COX16: variants seen among roughly 807,000 people sequenced by gnomAD.
COX16 encodes cytochrome c oxidase assembly protein COX16 homolog, mitochondrial.
Under a neutral mutation model 15.4 loss-of-function variants are expected in COX16, and 12 were observed. That is an observed-to-expected ratio of 0.78 (90% confidence interval 0.50 to 1.26). COX16 has a LOEUF of 1.26. Among genes scored for constraint, COX16 ranks in the 50% most tolerant of loss-of-function variants. The probability of loss-of-function intolerance (pLI) is 0.00; values close to 1 mark genes in which losing one functional copy is unlikely to be tolerated. For synonymous variants in COX16, 46 were observed against 41.1 expected (o/e 1.12, Z -0.46); for missense variants, 124 against 127.6 (o/e 0.97, Z 0.14).
At chr14:70,347,038 G>C (rs1345977019) in intron 1 of COX16, among the ~76,000 whole-genome samples, 1 of 151,884 alleles carries the variant, frequency 6.6e-6, no homozygotes, top group Non-Finnish European at 1.5e-5. Context: ...CCGCTGTTTA[G>C]AATATTTCCA....
At chr14:70,355,978 G>C (rs1272716496) in intron 1 of COX16, among the ~76,000 whole-genome samples, 1 of 152,086 alleles carries the variant, frequency 6.6e-6, no homozygotes, top group African/African-American at 2.4e-5. Context: ...GCACATGCTG[G>C]CTCCCTTTTG....
At position 70,335,491 on chromosome 14, in the gene COX16, G is replaced by A. The variant is rs554356710; in HGVS notation, c.142-6255C>T. On this transcript the variant is annotated intron_variant, in intron 2 of 3. Coordinates refer to ENST00000389912, the MANE Select transcript of COX16 (RefSeq NM_016468.7). ...TTCAAAAAAGTATCAATCATATCAA[G>A]TGTCTACTCTGACCAAAACAGAATA... Among the ~76,000 whole-genome samples, 101 of 151,902 alleles carry A rather than the reference G, an allele frequency of 6.6e-4. 2 individuals are homozygous for A. The South Asian group carries it at 0.02, about 31-fold the overall frequency.
At chr14:70,349,082 C>T (rs771147569) in intron 1 of COX16, among the ~76,000 whole-genome samples, 1 of 152,192 alleles carries the variant, frequency 6.6e-6, no homozygotes, top group Non-Finnish European at 1.5e-5. Context: ...TCAAAGCCTT[C>T]CTCATCTCCA....
At chr14:70,337,930 A>G (rs1886505780) in intron 2 of COX16, among the ~76,000 whole-genome samples, 1 of 152,194 alleles carries the variant, frequency 6.6e-6, no homozygotes, top group Admixed American at 6.5e-5. Context: ...TGAGGGGAAA[A>G]CAAAACATTG....
At chr14:70,335,731 G>A (rs1229212839) in intron 2 of COX16, among the ~76,000 whole-genome samples, 1 of 152,022 alleles carries the variant, frequency 6.6e-6, no homozygotes. Context: ...CAGCAAACTT[G>A]AGTAAATGCA....
At chr14:70,347,018 G>A (rs573023848) in intron 1 of COX16, among the ~76,000 whole-genome samples, 74 of 151,756 alleles carry the variant, frequency 4.9e-4, no homozygotes, top group Non-Finnish European at 9.4e-4. Flanking sequence ...TCCCCCATCC[G>A]TAGTTAACCC....
chr14:70,351,754 T>C (rs1484703078), intron 1 of COX16, among the ~76,000 whole-genome samples: 1 of 152,218 alleles, frequency 6.6e-6, no homozygotes, highest in East Asian at 1.9e-4. Flanking sequence ...TCTTGTTTGA[T>C]AGTTGAATGA....
At chr14:70,358,757 C>A (rs183071600) in intron 1 of COX16, among the ~76,000 whole-genome samples, 6 of 152,256 alleles carry the variant, frequency 3.9e-5, no homozygotes, top group Non-Finnish European at 5.9e-5. Flanking sequence ...CTTGCTGAAG[C>A]AAAATAACTG....
At position 70,358,024 on chromosome 14, in the gene COX16, C is replaced by T. The variant is rs548937541; in HGVS notation, c.69+1495G>A. Reference sequence around the variant, plus strand: ...CATCAATTGATAAAATATATCCAAACAATGGAATTATATCCATCAAAAGGA... The same window carrying T: ...CATCAATTGATAAAATATATCCAAATAATGGAATTATATCCATCAAAAGGA... On this transcript the variant is annotated intron_variant, in intron 1 of 3. Coordinates refer to ENST00000389912, the MANE Select transcript of COX16 (RefSeq NM_016468.7). Among the ~76,000 whole-genome samples, 36 of 152,192 alleles carry T rather than the reference C, an allele frequency of 2.4e-4. 2 individuals are homozygous for T. The South Asian group carries it at 7.2e-3, about 31-fold the overall frequency.
chr14:70,348,071 G>A (rs139988249), intron 1 of COX16, among the ~76,000 whole-genome samples: 264 of 152,154 alleles, frequency 1.7e-3, no homozygotes, highest in Non-Finnish European at 3.0e-3. Flanking sequence ...TGCACTAGGT[G>A]TTCTAACCCA....
chr14:70,330,313 CA>C (rs1886242092), intron 2 of COX16, among the ~76,000 whole-genome samples: 1 of 151,982 alleles, frequency 6.6e-6, no homozygotes, highest in South Asian at 2.1e-4. Context: ...TACAACTTTC[CA>C]AAACTGACAA....
chr14:70,349,944 C>T (rs190527294), intron 1 of COX16, among the ~76,000 whole-genome samples: 1 of 152,288 alleles, frequency 6.6e-6, no homozygotes, highest in East Asian at 1.9e-4. Context: ...CCTGATACAA[C>T]GACATGGTGG....
intron 1 of COX16, among the ~76,000 whole-genome samples, chr14:70,357,141 TCCTAGG>T (rs1327137072): frequency 6.4e-5 from 8 of 125,582 alleles, no homozygotes; most frequent in Admixed American, 3.6e-4. Flanking sequence ...AACAGACTTC[TCCTAGG>T]AAGCGTTTGT....
At chr14:70,356,255 T>C (rs1386113356) in intron 1 of COX16, among the ~76,000 whole-genome samples, 1 of 151,654 alleles carries the variant, frequency 6.6e-6, no homozygotes, top group African/African-American at 2.4e-5. Flanking sequence ...TGTTCCACTT[T>C]AGATCATCAG....
At chr14:70,332,501 C>A (rs1436887854) in intron 2 of COX16, among the ~76,000 whole-genome samples, 1 of 152,204 alleles carries the variant, frequency 6.6e-6, no homozygotes. Context: ...CAGGGGGGCC[C>A]AGTCTCAGTT....
At chr14:70,328,290 A>G (rs1886159143) in intron 3 of COX16, 1 of 151,780 alleles carries the variant, frequency 6.6e-6, no homozygotes, top group African/African-American at 2.4e-5. Context: ...TTCCCTACAA[A>G]GCACAAAATG....
intron 1 of COX16, chr14:70,359,316 G>C (rs1887226092): frequency 4.6e-6 from 3 of 654,972 alleles, no homozygotes; most frequent in African/African-American, 3.6e-5. Context: ...ATCCAACCGG[G>C]AGTGGGGGAC....
intron 2 of COX16, among the ~76,000 whole-genome samples, chr14:70,336,488 G>A (rs1007405864): frequency 6.6e-6 from 1 of 152,046 alleles, no homozygotes; most frequent in South Asian, 2.1e-4. Context: ...TTTCTGTATT[G>A]TGTTTCACAA....
intron 1 of COX16, among the ~76,000 whole-genome samples, chr14:70,346,222 C>T (rs1050687520): frequency 6.6e-6 from 1 of 152,218 alleles, no homozygotes; most frequent in African/African-American, 2.4e-5. Context: ...GGCCCTCAAA[C>T]CTCACAAGAC....
Sources: allele counts gnomAD v4.1 joint callset (sites outside exome capture counted in the v4.1 genomes callset), GRCh38; gene constraint gnomAD v4.1.1; transcripts MANE v1.5; gene names NCBI Gene and HGNC (gene_info 2026-07-23, HGNC 2026-07-21).